Variants in MTMR12 observed in about 807,000 individuals in gnomAD.
MTMR12 encodes the protein myotubularin related protein 12, also known as myotubularin-related protein 12.
In MTMR12, 33 loss-of-function variants were observed where a neutral mutation model predicts 96.7. The observed-to-expected ratio is 0.34, with a 90% confidence interval of 0.26 to 0.46. The LOEUF (loss-of-function observed/expected upper bound fraction) is 0.46, where lower values mean the gene tolerates loss of function less well. MTMR12 is among the 20% of genes least tolerant of loss of function. MTMR12 has a pLI of 1.00. For synonymous variants in MTMR12, 298 were observed against 327.2 expected (o/e 0.91, Z 0.96); for missense variants, 721 against 896.1 (o/e 0.80, Z 2.49).
chr5:32,275,752 T>G (rs1750025366), intron 2 of MTMR12, among the ~76,000 whole-genome samples: 1 of 152,148 alleles, frequency 6.6e-6, no homozygotes, highest in Non-Finnish European at 1.5e-5. Flanking sequence ...AAAAATAAAA[T>G]TTCTGAATCT....
chr5:32,269,538 C>T (rs943551847), intron 5 of MTMR12, among the ~76,000 whole-genome samples: 3 of 152,192 alleles, frequency 2.0e-5, no homozygotes, highest in Non-Finnish European at 4.4e-5. Context: ...CTCCTGACCT[C>T]AGGTGATCCA....
chr5:32,308,101 G>A (rs1220212955), intron 1 of MTMR12, among the ~76,000 whole-genome samples: 1 of 152,136 alleles, frequency 6.6e-6, no homozygotes, highest in Non-Finnish European at 1.5e-5. Context: ...AGGTGGGCGG[G>A]TCACGAGGTC....
intron 14 of MTMR12, among the ~76,000 whole-genome samples, chr5:32,234,171 T>TAG (rs1410461352): frequency 6.6e-6 from 1 of 152,160 alleles, no homozygotes; most frequent in Non-Finnish European, 1.5e-5. Flanking sequence ...CTGTGCTGGG[T>TAG]GCTTCCACAG....
chr5:32,271,694 G>A (rs370624550), intron 4 of MTMR12, 139 bp downstream of exon 4: 16 of 475,862 alleles, frequency 3.4e-5, no homozygotes, highest in East Asian at 2.6e-4. Context: ...CTCAATTTTA[G>A]CATCTATAAA....
In MTMR12 at chr5:32,242,039, G is replaced by C. The variant is rs756379607; in HGVS notation, c.1171+18C>G. 1 of 1,586,686 alleles carries C rather than the reference G, an allele frequency of 6.3e-7. No individual in the cohort carries two copies. The highest frequency in any genetic ancestry group is 1.1e-5 in the South Asian group (1 of 89,890). ...TGAAGGAAAATGGAAATCATCCTTTGTGCTTCCTATATATTACCTAAAAGA... is the reference window on the plus strand; with the variant it reads ...TGAAGGAAAATGGAAATCATCCTTTCTGCTTCCTATATATTACCTAAAAGA... On this transcript the variant is annotated intron_variant, in intron 12 of 15. Transcript: ENST00000382142.
intron 10 of MTMR12, among the ~76,000 whole-genome samples, chr5:32,244,292 GAAAA>G (rs61038640): frequency 2.9e-5 from 3 of 101,908 alleles, no homozygotes; most frequent in Non-Finnish European, 6.5e-5. Context: ...AAAATGAAAA[GAAAA>G]AAAAAAAAAA....
intron 8 of MTMR12, among the ~76,000 whole-genome samples, chr5:32,250,108 C>A (rs945350571): frequency 1.3e-5 from 2 of 152,084 alleles, no homozygotes; most frequent in African/African-American, 4.8e-5. Flanking sequence ...GCATGACAAT[C>A]CAGGTGATAT....
chr5:32,270,768 G>A, intron 5 of MTMR12, 49 bp downstream of exon 5: 1 of 1,555,254 alleles, frequency 6.4e-7, no homozygotes, highest in Non-Finnish European at 8.7e-7. Context: ...AGAGCTAGTG[G>A]GGAAAACCTG....
At chr5:32,287,062 A>G (rs1750567104) in intron 1 of MTMR12, among the ~76,000 whole-genome samples, 1 of 152,242 alleles carries the variant, frequency 6.6e-6, no homozygotes, top group Non-Finnish European at 1.5e-5. Flanking sequence ...ACTGAACTGC[A>G]TTCAGAAAGG....
intron 1 of MTMR12, among the ~76,000 whole-genome samples, chr5:32,289,628 G>A (rs1025039410): frequency 6.6e-6 from 1 of 152,204 alleles, no homozygotes; most frequent in African/African-American, 2.4e-5. Flanking sequence ...GCTTATGGAG[G>A]TCAGGTAATT....
chr5:32,308,138 A>G (rs1751428190), intron 1 of MTMR12, among the ~76,000 whole-genome samples: 1 of 152,194 alleles, frequency 6.6e-6, no homozygotes, highest in African/African-American at 2.4e-5. Context: ...CCTGGCCAAT[A>G]TGGTGAAACC....
At chr5:32,241,033 G>C in intron 12 of MTMR12, among the ~76,000 whole-genome samples, 1 of 152,164 alleles carries the variant, frequency 6.6e-6, no homozygotes, top group Non-Finnish European at 1.5e-5. Context: ...CAGGAGTGAA[G>C]GATTTCTCAG....
chr5:32,237,220 C>T (rs779608868), intron 13 of MTMR12, among the ~76,000 whole-genome samples: 4 of 152,236 alleles, frequency 2.6e-5, no homozygotes, highest in Admixed American at 1.3e-4. Flanking sequence ...CATACGTCAG[C>T]GCTGCAGGTG....
chr5:32,248,644 G>A (rs1748790462), intron 9 of MTMR12, 128 bp downstream of exon 9: 1 of 691,358 alleles, frequency 1.4e-6, no homozygotes, highest in South Asian at 1.8e-5. Flanking sequence ...AATGATCACT[G>A]TTAAGTTGTA....
At chr5:32,246,501 T>C (rs1018163391) in intron 10 of MTMR12, among the ~76,000 whole-genome samples, 6 of 152,196 alleles carry the variant, frequency 3.9e-5, no homozygotes, top group Non-Finnish European at 7.4e-5. Context: ...CAGAATTGTG[T>C]AGGCTGAACC....
rs1243458449 is a variant in MTMR12, at chr5:32,229,947, G to C, written c.2075C>G (p.Ala692Gly). The C allele has an allele frequency of 1.2e-6, 2 of 1,612,274 alleles. No homozygotes were observed. The highest frequency in any genetic ancestry group is 2.7e-5 in the African/African-American group (2 of 74,910). The change falls in exon 16 of 16, where the codon GCC becomes GGC. Residue 692 changes from alanine (A) to glycine (G), a missense_variant. Ala to Gly is a moderately conservative substitution (Grantham distance 60, BLOSUM62 0). Transcript: ENST00000382142. Reference sequence around the variant, plus strand: ...GGCAGAGTTCCTCAGCAGGCAGGGGGCCTCAGCCTGGGGGGCCTGCTGGCT... The same window carrying C: ...GGCAGAGTTCCTCAGCAGGCAGGGGCCCTCAGCCTGGGGGGCCTGCTGGCT... ...HHSQQAPQAE[A>G]PCLLRNSARL...
intron 8 of MTMR12, among the ~76,000 whole-genome samples, chr5:32,250,254 G>C (rs952955269): frequency 1.3e-5 from 2 of 152,086 alleles, no homozygotes; most frequent in African/African-American, 2.4e-5. Context: ...CCTAAAATGA[G>C]AGGAAAACAG....
Position 32,273,964 on chromosome 5 carries a change from T to C in MTMR12, c.285+16A>G, listed in dbSNP as rs368070682. The C allele has an allele frequency of 5.6e-6, 9 of 1,613,386 alleles. No individual in the cohort carries two copies. The African/African-American group carries it at 8.0e-5, about 14-fold the overall frequency. On this transcript the variant is annotated intron_variant, in intron 3 of 15. Transcript: ENST00000382142. ...ACTGTTGCCCACAAACTCTGCCAAA[T>C]GCAGCCCATACATACATCATTATCC...
Position 32,274,094 on chromosome 5 carries a change from T to A in MTMR12, c.171A>T (p.Thr57=). The A allele has an allele frequency of 1.2e-6, 2 of 1,614,224 alleles. No homozygotes were observed. Among genetic ancestry groups the A allele is most frequent in the Non-Finnish European group, 8.5e-7 (1 of 1,180,024 alleles). The change falls in exon 3 of 16, where the codon ACA becomes ACT. Residue 57 remains threonine (T), a synonymous_variant. Transcript: ENST00000382142. The part of the protein sequence containing the change: ...PGEQLLCEAS[T]VLKYVQEDSC... ...AATCTTCCTGGACATACTTCAGTAC[T>A]GTGCTGGCTTCACAAAGCAGCTGTT...
Sources: gnomAD v4.1 joint callset for allele counts (sites outside exome capture counted in the v4.1 genomes callset) on GRCh38, gnomAD v4.1.1 for gene constraint, MANE v1.5 for transcripts, NCBI Gene and HGNC (gene_info 2026-07-23, HGNC 2026-07-21) for gene names.